Variants in ZNF469 observed in about 807,000 individuals in gnomAD.
The protein encoded by ZNF469 is zinc finger protein 469.
Under a neutral mutation model 1.0 loss-of-function variants are expected in ZNF469, and 1 was observed. The ratio of observed to expected loss-of-function variants is 1.00; its 90% CI spans 0.35 to 4.73. The LOEUF (loss-of-function observed/expected upper bound fraction) is 4.73, where lower values mean the gene tolerates loss of function less well. ZNF469 is among the 30% of genes most tolerant of loss of function. The pLI is 0.16. For synonymous variants in ZNF469, 2,703 were observed against 2,363.4 expected (o/e 1.14, Z -4.17); for missense variants, 6,100 against 5,356.3 (o/e 1.14, Z -4.33).
At chr16:88,398,086 TG>T (rs1904741409) in intron 1 of ZNF469, among the ~76,000 whole-genome samples, 1 of 152,246 alleles carries the variant, frequency 6.6e-6, no homozygotes, top group Non-Finnish European at 1.5e-5. Flanking sequence ...CAGAAAGTGC[TG>T]GAGGAGGTGA....
the ZNF469 span, among the ~76,000 whole-genome samples, chr16:88,314,355 G>A: frequency 2.0e-5 from 3 of 146,846 alleles, no homozygotes; most frequent in African/African-American, 7.6e-5. Flanking sequence ...GGTGTGGGCT[G>A]TCTCTGTAAT....
At chr16:88,419,066 G>T (rs927785906) in intron 1 of ZNF469, among the ~76,000 whole-genome samples, 4 of 152,230 alleles carry the variant, frequency 2.6e-5, no homozygotes, top group Non-Finnish European at 4.4e-5. Context: ...TGAAGGCCGG[G>T]GCACAGCCGA....
the ZNF469 span, among the ~76,000 whole-genome samples, chr16:88,311,669 G>T: frequency 1.3e-5 from 2 of 152,192 alleles, no homozygotes; most frequent in African/African-American, 4.8e-5. Flanking sequence ...TCCCTGCAGC[G>T]TTGCAGAGAC....
chr16:88,304,232 C>T, the ZNF469 span, among the ~76,000 whole-genome samples: 3 of 152,168 alleles, frequency 2.0e-5, no homozygotes, highest in Admixed American at 6.5e-5. Context: ...TGGGAGGTCA[C>T]GGATGCCCCG....
the ZNF469 span, among the ~76,000 whole-genome samples, chr16:88,357,507 AG>A: frequency 6.6e-6 from 1 of 152,170 alleles, no homozygotes; most frequent in African/African-American, 2.4e-5. Context: ...CGGTGGCATC[AG>A]CCAGGAAGTA....
the ZNF469 span, among the ~76,000 whole-genome samples, chr16:88,347,073 G>A: frequency 5.1e-3 from 783 of 152,248 alleles, 3 homozygotes; most frequent in Non-Finnish European, 8.7e-3. Context: ...TGTGTGAACA[G>A]GCCGTACGGC....
chr16:88,310,647 A>T, the ZNF469 span, among the ~76,000 whole-genome samples: 1 of 151,266 alleles, frequency 6.6e-6, no homozygotes, highest in African/African-American at 2.4e-5. Flanking sequence ...CAGCAGCGCG[A>T]TCTCGGCTCA....
the ZNF469 span, among the ~76,000 whole-genome samples, chr16:88,254,151 T>C: frequency 1.6e-3 from 250 of 152,350 alleles, 1 homozygote; most frequent in African/African-American, 5.6e-3. Context: ...CTAGGTTCTA[T>C]GTTTAGGCAA....
chr16:88,368,841 A>G, the ZNF469 span, among the ~76,000 whole-genome samples: 1 of 152,108 alleles, frequency 6.6e-6, no homozygotes, highest in Non-Finnish European at 1.5e-5. Context: ...TCATGCCTGT[A>G]ATCTCAGCAG....
At chr16:88,318,283 G>T in the ZNF469 span, among the ~76,000 whole-genome samples, 1 of 152,230 alleles carries the variant, frequency 6.6e-6, no homozygotes, top group African/African-American at 2.4e-5. Context: ...GTGGGCCCGG[G>T]TCTGTTACAT....
the ZNF469 span, among the ~76,000 whole-genome samples, chr16:88,334,202 A>T: frequency 6.6e-6 from 1 of 152,078 alleles, no homozygotes; most frequent in Non-Finnish European, 1.5e-5. Context: ...TTCCTAAGAG[A>T]CCAAAGAGTT....
chr16:88,222,618 A>G, the ZNF469 span, among the ~76,000 whole-genome samples: 1 of 152,066 alleles, frequency 6.6e-6, no homozygotes, highest in Non-Finnish European at 1.5e-5. Flanking sequence ...TTAGCTGGGC[A>G]TGGTGGCACA....
the ZNF469 span, among the ~76,000 whole-genome samples, chr16:88,316,330 G>A: frequency 4.6e-5 from 7 of 152,276 alleles, no homozygotes; most frequent in South Asian, 4.1e-4. Flanking sequence ...GGATGGGATG[G>A]TGCACCACGC....
chr16:88,430,813 C>A lies in ZNF469; in HGVS notation c.3343C>A (p.Arg1115=). Residue 1115 remains arginine, a synonymous_variant, in exon 3 of 3, where the codon CGG becomes AGG. Coordinates refer to ENST00000565624, the MANE Select transcript of ZNF469 (RefSeq NM_001367624.2). ...PPRGPGFRGR[R]GRGEKRKEVE... ...GCGGGGCCCCGGCTTCAGAGGCCGG[C>A]GGGGCCGAGGCGAGAAGAGGAAGGA... is the stretch of plus-strand genomic sequence containing the variant. 6.5e-7 allele frequency: 1 copy of A among 1,531,210 alleles called. No individual in the cohort carries two copies. The highest frequency in any genetic ancestry group is 8.7e-7 in the Non-Finnish European group (1 of 1,144,746). The allele number at this position is 1,531,210 out of a possible 1,614,324, so 94.9% of individuals were successfully genotyped here. A position where few individuals can be genotyped will look rare whatever the true frequency, so the allele number is the denominator to read the frequency against.
the ZNF469 span, among the ~76,000 whole-genome samples, chr16:88,142,379 T>A: frequency 6.6e-6 from 1 of 152,110 alleles, no homozygotes; most frequent in Non-Finnish European, 1.5e-5. Flanking sequence ...GGGCAGATGA[T>A]GTTGGCGGGC....
intron 1 of ZNF469, among the ~76,000 whole-genome samples, chr16:88,404,378 G>A (rs1158858509): frequency 6.6e-6 from 1 of 152,244 alleles, no homozygotes; most frequent in Non-Finnish European, 1.5e-5. Flanking sequence ...CGCCGGCGGT[G>A]CGTGTGCTGT....
the ZNF469 span, among the ~76,000 whole-genome samples, chr16:88,252,556 T>A: frequency 6.6e-6 from 1 of 152,088 alleles, no homozygotes; most frequent in African/African-American, 2.4e-5. Context: ...TTTTATGAAG[T>A]GTTTGGAGTT....
At chr16:88,363,469 T>C in the ZNF469 span, among the ~76,000 whole-genome samples, 1 of 152,210 alleles carries the variant, frequency 6.6e-6, no homozygotes. Flanking sequence ...TCCAATTATT[T>C]AGCCCCAGCC....
the ZNF469 span, among the ~76,000 whole-genome samples, chr16:88,316,986 G>A: frequency 1.3e-5 from 2 of 152,094 alleles, no homozygotes; most frequent in African/African-American, 2.4e-5. Flanking sequence ...ACCTGACCTC[G>A]GCATTCTCCC....
Sources: gnomAD v4.1 joint callset for allele counts (sites outside exome capture counted in the v4.1 genomes callset) on GRCh38, gnomAD v4.1.1 for gene constraint, MANE v1.5 for transcripts, NCBI Gene and HGNC (gene_info 2026-07-23, HGNC 2026-07-21) for gene names.